SLC25A21: variants seen among roughly 807,000 people sequenced by gnomAD.
The protein encoded by SLC25A21 is mitochondrial 2-oxodicarboxylate carrier.
Under a neutral mutation model 43.8 loss-of-function variants are expected in SLC25A21, and 47 were observed. The observed-to-expected ratio is 1.07, with a 90% CI of 0.85 to 1.37. The LOEUF (loss-of-function observed/expected upper bound fraction) is 1.37, where lower values mean the gene tolerates loss of function less well. Ranked by LOEUF, SLC25A21 falls within the 40% of genes most tolerant of loss-of-function variation. The pLI, the probability that SLC25A21 is intolerant of heterozygous loss-of-function variation, is 0.00. For synonymous variants in SLC25A21, 131 were observed against 121.3 expected, an observed-to-expected ratio of 1.08 and a Z score of -0.52; for missense variants, 352 against 350.2, an observed-to-expected ratio of 1.00 and a Z score of -0.04.
chr14:36,710,596 A>G (rs566135593), intron 7 of SLC25A21, among the ~76,000 whole-genome samples: 2 of 151,898 alleles, frequency 1.3e-5, no homozygotes, highest in East Asian at 3.9e-4. Context: ...TGCCTGGGTA[A>G]TTTTTTAATT....
At chr14:36,714,329 C>A (rs1884026082) in intron 6 of SLC25A21, among the ~76,000 whole-genome samples, 1 of 152,198 alleles carries the variant, frequency 6.6e-6, no homozygotes, top group African/African-American at 2.4e-5. Flanking sequence ...GTGATAAAGT[C>A]CACCAGAAAT....
At chr14:36,735,472 T>TGACTAAAGATAAGGGCAGAGCTC (rs1884992441) in intron 3 of SLC25A21, among the ~76,000 whole-genome samples, 1 of 151,822 alleles carries the variant, frequency 6.6e-6, no homozygotes, top group African/African-American at 2.4e-5. Context: ...GATGAGTCCA[T>TGACTAAAGATAAGGGCAGAGCTC]AACATGTCCC....
chr14:36,693,197 T>C (rs966290007), intron 7 of SLC25A21, among the ~76,000 whole-genome samples: 1 of 152,220 alleles, frequency 6.6e-6, no homozygotes. Context: ...TTTCAGAAAA[T>C]CACTTTAAAA....
At chr14:36,861,152 T>C (rs1296777991) in intron 2 of SLC25A21, among the ~76,000 whole-genome samples, 1 of 152,214 alleles carries the variant, frequency 6.6e-6, no homozygotes, top group African/African-American at 2.4e-5. Flanking sequence ...TCAACAAGAA[T>C]ATTCTGAGAA....
chr14:36,809,898 G>C (rs140969413), intron 3 of SLC25A21, among the ~76,000 whole-genome samples: 1 of 152,260 alleles, frequency 6.6e-6, no homozygotes, highest in African/African-American at 2.4e-5. Context: ...TTTGAAAACG[G>C]AGTGACTCTA....
At chr14:36,743,615 A>G (rs1885367577) in intron 3 of SLC25A21, among the ~76,000 whole-genome samples, 1 of 152,134 alleles carries the variant, frequency 6.6e-6, no homozygotes, top group Non-Finnish European at 1.5e-5. Context: ...TTCCCCTAAG[A>G]ACAAGACAAG....
At chr14:36,729,882 A>AT (rs1212272519) in intron 4 of SLC25A21, among the ~76,000 whole-genome samples, 1 of 152,200 alleles carries the variant, frequency 6.6e-6, no homozygotes, top group Non-Finnish European at 1.5e-5. Flanking sequence ...GTGATTCAAC[A>AT]TTATAGGCCT....
intron 6 of SLC25A21, among the ~76,000 whole-genome samples, chr14:36,714,527 G>A (rs538537849): frequency 2.6e-5 from 4 of 152,338 alleles, no homozygotes; most frequent in Non-Finnish European, 4.4e-5. Context: ...CTCTGCATAT[G>A]GCAAGTCTGT....
At chr14:36,842,775 A>C (rs925709113) in intron 2 of SLC25A21, among the ~76,000 whole-genome samples, 2 of 152,172 alleles carry the variant, frequency 1.3e-5, no homozygotes, top group African/African-American at 4.8e-5. Context: ...GGGAACACCC[A>C]CATGGCACTC....
At chr14:37,080,613 CAAGAAA>C (rs1202823184) in intron 1 of SLC25A21, among the ~76,000 whole-genome samples, 1 of 151,958 alleles carries the variant, frequency 6.6e-6, no homozygotes, top group Non-Finnish European at 1.5e-5. Flanking sequence ...AACAAACAAA[CAAGAAA>C]AAAACTACTA....
At chr14:37,057,792 T>A (rs1331057898) in intron 1 of SLC25A21, among the ~76,000 whole-genome samples, 1 of 152,222 alleles carries the variant, frequency 6.6e-6, no homozygotes, top group African/African-American at 2.4e-5. Flanking sequence ...CCTCCTTTTG[T>A]CATTTTGAGA....
At chr14:36,727,531 T>C (rs1031885715) in intron 5 of SLC25A21, among the ~76,000 whole-genome samples, 2 of 151,918 alleles carry the variant, frequency 1.3e-5, no homozygotes, top group Non-Finnish European at 2.9e-5. Flanking sequence ...CTACTAAAAA[T>C]ACAAAAATTA....
At position 36,776,145 on chromosome 14, in the gene SLC25A21, GT is replaced by G. The variant is rs956117571; in HGVS notation, c.203+37772del. On this transcript the variant is annotated intron_variant, in intron 3 of 9. Coordinates refer to ENST00000331299, the MANE Select transcript of SLC25A21 (RefSeq NM_030631.4). ...CCTCTTTTTGTACTCTTGGTACATT[GT>G]TTTTTTTTCACAACCACACTCAATC... Among the ~76,000 whole-genome samples the G allele has an allele frequency of 8.0e-5, 11 of 137,050 alleles. No individual in the cohort carries two copies. In the South Asian group the frequency reaches 1.7e-3, roughly 21 times the overall value. The allele number at this position is 137,050 out of a possible 152,430, so 89.9% of individuals were successfully genotyped here.
At chr14:36,851,971 C>T (rs1033131814) in intron 2 of SLC25A21, among the ~76,000 whole-genome samples, 14 of 152,110 alleles carry the variant, frequency 9.2e-5, no homozygotes, top group African/African-American at 3.1e-4. Flanking sequence ...GGGTATCAAT[C>T]ATATTAAACA....
At chr14:36,906,071 A>G (rs1395446762) in intron 1 of SLC25A21, among the ~76,000 whole-genome samples, 1 of 152,184 alleles carries the variant, frequency 6.6e-6, no homozygotes, top group Non-Finnish European at 1.5e-5. Flanking sequence ...AGGTAATCAG[A>G]TTATAAAAGG....
intron 5 of SLC25A21, among the ~76,000 whole-genome samples, chr14:36,726,104 T>C (rs181136484): frequency 6.6e-6 from 1 of 152,278 alleles, no homozygotes; most frequent in Admixed American, 6.5e-5. Context: ...CAACCACAAA[T>C]AAAATGTTTC....
intron 2 of SLC25A21, among the ~76,000 whole-genome samples, chr14:36,834,193 A>T (rs1889129481): frequency 6.6e-6 from 1 of 152,248 alleles, no homozygotes; most frequent in Non-Finnish European, 1.5e-5. Context: ...TAGCAAGAAG[A>T]TCACTAATAT....
intron 2 of SLC25A21, among the ~76,000 whole-genome samples, chr14:36,869,429 G>A (rs1439651877): frequency 6.6e-6 from 1 of 151,138 alleles, no homozygotes; most frequent in Non-Finnish European, 1.5e-5. Flanking sequence ...ATGGAGGAAT[G>A]GTCACTGCCC....
chr14:36,956,486 G>A (rs1008955977), intron 1 of SLC25A21, among the ~76,000 whole-genome samples: 2 of 152,188 alleles, frequency 1.3e-5, no homozygotes, highest in African/African-American at 4.8e-5. Flanking sequence ...CAATGTGGTG[G>A]AATGTTTTTT....
Sources: allele counts gnomAD v4.1 joint callset (sites outside exome capture counted in the v4.1 genomes callset), GRCh38; gene constraint gnomAD v4.1.1; transcripts MANE v1.5; gene names NCBI Gene and HGNC (gene_info 2026-07-23, HGNC 2026-07-21).